Variants in TACC1 observed in about 807,000 individuals in gnomAD.
The protein encoded by TACC1 is transforming acidic coiled-coil containing protein 1.
In TACC1, 48 loss-of-function variants were observed where a neutral mutation model predicts 84.4. The observed-to-expected ratio is 0.57, with a 90% CI of 0.45 to 0.72. TACC1 has a LOEUF of 0.72. Ranked by LOEUF, TACC1 falls within the 30% of genes least tolerant of loss-of-function variation. TACC1 has a pLI of 0.00. For synonymous variants in TACC1, 372 were observed against 376.3 expected, an observed-to-expected ratio of 0.99 and a Z score of 0.13; for missense variants, 920 against 973.0, an observed-to-expected ratio of 0.95 and a Z score of 0.72.
chr8:38,780,965 G>C (rs956527218), intron 3 of TACC1, among the ~76,000 whole-genome samples: 1 of 152,152 alleles, frequency 6.6e-6, no homozygotes, highest in African/African-American at 2.4e-5. Flanking sequence ...AAACACATGA[G>C]TTACTGTAAT....
chr8:38,730,388 C>A (rs1368046843), intron 1 of TACC1, among the ~76,000 whole-genome samples: 1 of 152,230 alleles, frequency 6.6e-6, no homozygotes, highest in Non-Finnish European at 1.5e-5. Flanking sequence ...TGAATTTGTC[C>A]TTCTAATTGT....
chr8:38,787,105 C>A (rs1817347203), upstream of TACC1: 3 of 980,222 alleles, frequency 3.1e-6, no homozygotes, highest in Non-Finnish European at 3.6e-6. Context: ...CCGGCGGGCG[C>A]GCGGCCGTCT....
intron 2 of TACC1, among the ~76,000 whole-genome samples, chr8:38,742,955 T>G (rs1008790507): frequency 6.6e-6 from 1 of 152,180 alleles, no homozygotes; most frequent in African/African-American, 2.4e-5. Context: ...CCTCAAGAGA[T>G]TCACCTGTCT....
At chr8:38,817,994 G>T (rs1825829954) in intron 2 of TACC1, among the ~76,000 whole-genome samples, 1 of 149,554 alleles carries the variant, frequency 6.7e-6, no homozygotes, top group Admixed American at 6.7e-5. Context: ...TGCTTTGGGA[G>T]ACCAAGGCAG....
intron 2 of TACC1, among the ~76,000 whole-genome samples, chr8:38,794,957 T>G (rs1177008325): frequency 2.6e-5 from 4 of 152,250 alleles, no homozygotes; most frequent in African/African-American, 4.8e-5. Flanking sequence ...GATTTTTTTG[T>G]ACTGTATAAT....
At chr8:38,828,940 T>A (rs908412798) in intron 5 of TACC1, among the ~76,000 whole-genome samples, 1 of 152,198 alleles carries the variant, frequency 6.6e-6, no homozygotes, top group Non-Finnish European at 1.5e-5. Flanking sequence ...ATGTGGTAAG[T>A]TGAGATTGAC....
chr8:38,816,042 G>T (rs772129926), intron 2 of TACC1, among the ~76,000 whole-genome samples: 2 of 151,924 alleles, frequency 1.3e-5, no homozygotes, highest in Non-Finnish European at 2.9e-5. Context: ...ATTTATGCAG[G>T]TCAGTAGTTG....
chr8:38,795,279 C>T (rs1235777556), intron 2 of TACC1, among the ~76,000 whole-genome samples: 3 of 152,164 alleles, frequency 2.0e-5, no homozygotes, highest in Non-Finnish European at 4.4e-5. Context: ...GGCAGGGAAG[C>T]AAAGTCTACC....
intron 1 of TACC1, among the ~76,000 whole-genome samples, chr8:38,740,545 T>A (rs1806861209): frequency 6.6e-6 from 1 of 152,194 alleles, no homozygotes; most frequent in African/African-American, 2.4e-5. Flanking sequence ...AGGAGTTGAA[T>A]GCACATAAAA....
chr8:38,792,297 A>T (rs2152016944), intron 2 of TACC1, among the ~76,000 whole-genome samples: 1 of 152,284 alleles, frequency 6.6e-6, no homozygotes, highest in South Asian at 2.1e-4. Context: ...TCTCAAGTTC[A>T]TCCTCTGTTT....
At chr8:38,746,132 G>A (rs896768368) in intron 3 of TACC1, among the ~76,000 whole-genome samples, 1 of 152,194 alleles carries the variant, frequency 6.6e-6, no homozygotes, top group Non-Finnish European at 1.5e-5. Context: ...GGGCTTGAAA[G>A]TGTTATGTTA....
At chr8:38,839,390 A>G (rs1830802883) in intron 8 of TACC1, 1 of 393,808 alleles carries the variant, frequency 2.5e-6, no homozygotes, top group African/African-American at 2.1e-5. Context: ...AAAAAAAGGC[A>G]TAAATAATTC....
chr8:38,777,527 A>T (rs1815072526), intron 3 of TACC1, among the ~76,000 whole-genome samples: 3 of 152,194 alleles, frequency 2.0e-5, no homozygotes, highest in Admixed American at 2.0e-4. Flanking sequence ...CATGTCTATA[A>T]TCCCACTGCT....
intron 3 of TACC1, among the ~76,000 whole-genome samples, chr8:38,771,190 G>A (rs1430528324): frequency 2.0e-5 from 3 of 152,178 alleles, no homozygotes; most frequent in African/African-American, 7.2e-5. Context: ...AAGTGTTGGA[G>A]ATGCTCTTTA....
At chr8:38,818,002 C>T (rs1425236984) in intron 2 of TACC1, among the ~76,000 whole-genome samples, 2 of 149,026 alleles carry the variant, frequency 1.3e-5, no homozygotes, top group Admixed American at 6.7e-5. Flanking sequence ...GAGACCAAGG[C>T]AGGCAGATTG....
At position 38,820,110 on chromosome 8, in the gene TACC1, CT is replaced by C; in HGVS notation, c.867del (p.Asp290ThrfsTer42). The C allele has an allele frequency of 2.5e-6, 4 of 1,614,158 alleles. No individual in the cohort carries two copies. The highest frequency in any genetic ancestry group is 3.4e-6 in the Non-Finnish European group (4 of 1,180,034). On this transcript the variant is annotated frameshift_variant, in exon 3 of 13. Coordinates refer to ENST00000317827, the MANE Select transcript of TACC1 (RefSeq NM_006283.3). LOFTEE classifies it high-confidence loss of function. ...GATGCCAGGTTCCAGAAGTCTCCCC[CT>C]GACCTTAAAGAAACTCCCGGCACTC... ...LGDARFQKSP[P>X]DLKETPGTLS...
intron 3 of TACC1, among the ~76,000 whole-genome samples, chr8:38,760,023 T>C (rs951756079): frequency 2.0e-5 from 3 of 151,338 alleles, no homozygotes; most frequent in Non-Finnish European, 4.4e-5. Context: ...TCAAAATCTA[T>C]TGTTCTTTTT....
chr8:38,766,481 C>T (rs1453611720), intron 3 of TACC1, among the ~76,000 whole-genome samples: 5 of 152,192 alleles, frequency 3.3e-5, no homozygotes, highest in African/African-American at 1.2e-4. Flanking sequence ...TGCATGTTCT[C>T]ATAAAAACCT....
chr8:38,792,611 G>A (rs369357729), intron 2 of TACC1, among the ~76,000 whole-genome samples: 1 of 152,096 alleles, frequency 6.6e-6, no homozygotes, highest in East Asian at 1.9e-4. Flanking sequence ...GACCACAGGC[G>A]CCCACCACTA....
Sources: gnomAD v4.1 joint callset for allele counts (sites outside exome capture counted in the v4.1 genomes callset) on GRCh38, gnomAD v4.1.1 for gene constraint, MANE v1.5 for transcripts, NCBI Gene and HGNC (gene_info 2026-07-23, HGNC 2026-07-21) for gene names.